Variants in UNC79 observed in about 807,000 individuals in gnomAD.
UNC79 encodes the protein protein unc-79 homolog.
A neutral mutation model predicts 283.1 loss-of-function variants in UNC79; 37 were observed. The ratio of observed to expected loss-of-function variants is 0.13; its 90% CI spans 0.10 to 0.17. UNC79 has a LOEUF of 0.17. UNC79 is among the 10% of genes least tolerant of loss of function. The pLI is 1.00. For missense variants in UNC79, 2,272 were observed against 3,211.1 expected, an observed-to-expected ratio of 0.71 and a Z score of 7.07; for synonymous variants, 1,107 against 1,200.2, an observed-to-expected ratio of 0.92 and a Z score of 1.61.
chr14:93,706,254 T>C (rs527538523), intron 48 of UNC79, among the ~76,000 whole-genome samples: 1 of 152,262 alleles, frequency 6.6e-6, no homozygotes, highest in Non-Finnish European at 1.5e-5. Flanking sequence ...TAAGTGTCAC[T>C]ATCCCCCCTT....
intron 24 of UNC79, 59 bp downstream of exon 24, chr14:93,597,599 A>G (rs1596006216): frequency 2.0e-6 from 3 of 1,537,776 alleles, no homozygotes; most frequent in Non-Finnish European, 1.8e-6. Flanking sequence ...CTACTAAATC[A>G]TTGCGTTGTT....
intron 26 of UNC79, among the ~76,000 whole-genome samples, chr14:93,606,562 C>T (rs1017527384): frequency 6.6e-6 from 1 of 152,202 alleles, no homozygotes; most frequent in African/African-American, 2.4e-5. Context: ...GAAGAACTTG[C>T]TACTTAACGA....
chr14:93,674,777 G>A (rs1040703987), intron 41 of UNC79, among the ~76,000 whole-genome samples: 8 of 152,160 alleles, frequency 5.3e-5, no homozygotes, highest in African/African-American at 2.4e-5. Context: ...TTACAGCTTC[G>A]TGAAGCATTG....
intron 11 of UNC79, among the ~76,000 whole-genome samples, chr14:93,537,524 C>A (rs2061150604): frequency 6.6e-6 from 1 of 152,248 alleles, no homozygotes; most frequent in Admixed American, 6.5e-5. Context: ...GAAATCTACT[C>A]TTTCAGGTGG....
chr14:93,435,130 A>C (rs1427988150), intron 1 of UNC79, among the ~76,000 whole-genome samples: 1 of 152,232 alleles, frequency 6.6e-6, no homozygotes, highest in African/African-American at 2.4e-5. Context: ...ATAGCACTGC[A>C]GTTGTAGTCA....
intron 1 of UNC79, among the ~76,000 whole-genome samples, chr14:93,393,513 CAA>C (rs2054927645): frequency 6.6e-6 from 1 of 152,018 alleles, no homozygotes; most frequent in South Asian, 2.1e-4. Flanking sequence ...TTTTAGCTGT[CAA>C]GAGAAATTTA....
intron 1 of UNC79, among the ~76,000 whole-genome samples, chr14:93,409,758 C>T (rs1170299391): frequency 6.6e-6 from 1 of 152,088 alleles, no homozygotes; most frequent in Admixed American, 6.6e-5. Context: ...AGACATCATT[C>T]CTATGAATAA....
intron 1 of UNC79, among the ~76,000 whole-genome samples, chr14:93,344,010 AAG>A (rs1338815048): frequency 6.7e-6 from 1 of 149,320 alleles, no homozygotes; most frequent in African/African-American, 2.5e-5. Flanking sequence ...GAGCAGCTAA[AAG>A]AGCTGTCTCC....
At chr14:93,593,974 G>A in intron 23 of UNC79, 137 bp downstream of exon 23, 3 of 991,500 alleles carry the variant, frequency 3.0e-6, no homozygotes, top group South Asian at 2.0e-5. Context: ...TCCTTTGGGG[G>A]TTCTGCTTTG....
At chr14:93,685,498 A>G (rs1306224418) in intron 42 of UNC79, among the ~76,000 whole-genome samples, 1 of 152,218 alleles carries the variant, frequency 6.6e-6, no homozygotes, top group Non-Finnish European at 1.5e-5. Flanking sequence ...CAGACTGCCA[A>G]TGACCTTACT....
exon 31 of UNC79, chr14:93,630,884 A>G (rs1366543256): frequency 1.2e-6 from 2 of 1,613,950 alleles, no homozygotes; most frequent in Non-Finnish European, 1.7e-6. Context: ...TGTGCCGGAA[A>G]CAAGTAGCCA....
chr14:93,337,435 C>G (rs767083438), intron 1 of UNC79, among the ~76,000 whole-genome samples: 121 of 152,382 alleles, frequency 7.9e-4, no homozygotes, highest in Non-Finnish European at 1.1e-3. Context: ...GACTGGCTAG[C>G]TGACCTGTGG....
At chr14:93,334,023 A>G (rs750457605) in intron 1 of UNC79, among the ~76,000 whole-genome samples, 10 of 152,194 alleles carry the variant, frequency 6.6e-5, no homozygotes, top group Non-Finnish European at 1.3e-4. Flanking sequence ...TGCATTTTCA[A>G]TCTCTACCCA....
chr14:93,396,771 G>A (rs1285183393), intron 1 of UNC79, among the ~76,000 whole-genome samples: 1 of 141,718 alleles, frequency 7.1e-6, no homozygotes, highest in African/African-American at 2.8e-5. Flanking sequence ...AAGGGCATGT[G>A]TGTGTATGTG....
chr14:93,493,780 A>T (rs2058852725), intron 5 of UNC79, among the ~76,000 whole-genome samples: 1 of 150,744 alleles, frequency 6.6e-6, no homozygotes, highest in Non-Finnish European at 1.5e-5. Flanking sequence ...TCTCTAAGGG[A>T]GGCCTCAGAA....
chr14:93,608,687 C>A (rs568956329), intron 26 of UNC79, among the ~76,000 whole-genome samples: 1 of 152,268 alleles, frequency 6.6e-6, no homozygotes, highest in East Asian at 1.9e-4. Flanking sequence ...TGGAGGGATC[C>A]TTTCTTCCTC....
chr14:93,556,026 T>G (rs2062154768), intron 14 of UNC79, among the ~76,000 whole-genome samples: 1 of 152,124 alleles, frequency 6.6e-6, no homozygotes, highest in Admixed American at 6.5e-5. Context: ...GCCTAGTAGG[T>G]GGGCACAGCT....
chr14:93,571,997 T>C (rs2063230783), exon 15 of UNC79: 1 of 1,614,226 alleles, frequency 6.2e-7, no homozygotes, highest in Non-Finnish European at 8.5e-7. Context: ...AATCAATCTG[T>C]CTGGGAGTGT....
At chr14:93,479,411 C>A (rs1022852845) in intron 4 of UNC79, among the ~76,000 whole-genome samples, 1 of 152,146 alleles carries the variant, frequency 6.6e-6, no homozygotes, top group African/African-American at 2.4e-5. Context: ...GATTCTCCTG[C>A]CTCAGCCTCC....
Sources: allele counts gnomAD v4.1 joint callset (sites outside exome capture counted in the v4.1 genomes callset), GRCh38; gene constraint gnomAD v4.1.1; transcripts MANE v1.5; gene names NCBI Gene and HGNC (gene_info 2026-07-23, HGNC 2026-07-21).